The following FRAS1 variants were observed in gnomAD, a reference collection of about 807,000 sequenced individuals.
The protein encoded by FRAS1 is extracellular matrix organizing protein FRAS1.
FRAS1 carries 290 observed loss-of-function variants against 435.2 expected under a neutral mutation model. That is an observed-to-expected ratio of 0.67 (90% CI 0.61 to 0.73). The LOEUF (loss-of-function observed/expected upper bound fraction) is 0.73. FRAS1 is among the 30% of genes least tolerant of loss of function. The pLI is 0.00. For synonymous variants in FRAS1, 1,800 were observed against 1,851.0 expected (o/e 0.97, Z 0.71); for missense variants, 4,860 against 5,001.5 (o/e 0.97, Z 0.85).
intron 2 of FRAS1, among the ~76,000 whole-genome samples, chr4:78,109,519 T>C (rs1299617220): frequency 6.7e-6 from 1 of 149,052 alleles, no homozygotes; most frequent in East Asian, 2.0e-4. Context: ...TCTCAATAGA[T>C]GCAGAAAAAG....
chr4:78,335,799 G>A (rs1235469043), intron 19 of FRAS1, among the ~76,000 whole-genome samples: 1 of 151,962 alleles, frequency 6.6e-6, no homozygotes, highest in African/African-American at 2.4e-5. Flanking sequence ...TTATGTTTTA[G>A]TGACAGAGAT....
intron 17 of FRAS1, 100 bp from the exon 18 acceptor site, chr4:78,318,710 T>A (rs1427372325): frequency 9.1e-7 from 1 of 1,101,922 alleles, no homozygotes; most frequent in Admixed American, 2.7e-5. Context: ...GCTGAAAGGC[T>A]GCATTTGGTG....
chr4:78,114,922 A>G (rs955871774), intron 2 of FRAS1, among the ~76,000 whole-genome samples: 3 of 152,100 alleles, frequency 2.0e-5, no homozygotes, highest in African/African-American at 7.2e-5. Context: ...TTCAAAGGGA[A>G]TGCTTCCAGT....
At chr4:78,500,591 C>A (rs1045493484) in intron 61 of FRAS1, among the ~76,000 whole-genome samples, 1 of 152,182 alleles carries the variant, frequency 6.6e-6, no homozygotes, top group East Asian at 1.9e-4. Context: ...CCATTTGCGA[C>A]GTAGCCAGAG....
intron 61 of FRAS1, among the ~76,000 whole-genome samples, chr4:78,502,125 G>A (rs1720702402): frequency 6.6e-6 from 1 of 152,190 alleles, no homozygotes; most frequent in Non-Finnish European, 1.5e-5. Context: ...CTGTAGCCAT[G>A]TAGTATAGTT....
At chr4:78,116,250 C>G (rs904359769) in intron 2 of FRAS1, among the ~76,000 whole-genome samples, 4 of 152,210 alleles carry the variant, frequency 2.6e-5, no homozygotes, top group East Asian at 3.9e-4. Flanking sequence ...TTACTTCCAA[C>G]TATGTAGTCA....
intron 51 of FRAS1, among the ~76,000 whole-genome samples, chr4:78,471,683 A>G (rs1306238920): frequency 6.6e-6 from 1 of 152,216 alleles, no homozygotes; most frequent in East Asian, 1.9e-4. Flanking sequence ...AATGAATGAA[A>G]GTTCAGCCAG....
At chr4:78,442,286 C>T (rs1734690174) in intron 41 of FRAS1, among the ~76,000 whole-genome samples, 1 of 152,234 alleles carries the variant, frequency 6.6e-6, no homozygotes, top group South Asian at 2.1e-4. Flanking sequence ...GGATAAGACA[C>T]AGACTCATGT....
chr4:78,345,247 C>T (rs1361528750), intron 20 of FRAS1, among the ~76,000 whole-genome samples: 1 of 152,050 alleles, frequency 6.6e-6, no homozygotes, highest in Admixed American at 6.6e-5. Context: ...TTAATCATCC[C>T]CGGAAGCCCC....
At chr4:78,305,771 G>A (rs1728678666) in intron 14 of FRAS1, among the ~76,000 whole-genome samples, 1 of 151,784 alleles carries the variant, frequency 6.6e-6, no homozygotes, top group Non-Finnish European at 1.5e-5. Flanking sequence ...CACATGAGAT[G>A]GGTTTCCTGA....
chr4:78,263,159 C>G, intron 6 of FRAS1, among the ~76,000 whole-genome samples: 1 of 152,178 alleles, frequency 6.6e-6, no homozygotes, highest in East Asian at 1.9e-4. Context: ...CCTTTCCTAT[C>G]TCTGCTCCAC....
At chr4:78,114,624 C>G (rs1168230124) in intron 2 of FRAS1, among the ~76,000 whole-genome samples, 1 of 148,164 alleles carries the variant, frequency 6.7e-6, no homozygotes, top group African/African-American at 2.5e-5. Flanking sequence ...ATTTGGCTCT[C>G]TGTTTGTCTG....
chr4:78,434,544 T>G (rs1734340284), intron 38 of FRAS1, among the ~76,000 whole-genome samples: 1 of 152,198 alleles, frequency 6.6e-6, no homozygotes, highest in Non-Finnish European at 1.5e-5. Context: ...TATGATTCTG[T>G]GTATAATAAC....
In FRAS1 at chr4:78,342,418, G is replaced by A. The variant is rs147377341; in HGVS notation, c.2422+4601G>A. 6.7e-4 allele frequency among the ~76,000 whole-genome samples: 102 copies of A among 152,316 alleles called. 1 individual carries two copies. The Middle Eastern group carries it at 0.027, about 41-fold the overall frequency. ...CTATCAAAGCAAATATAAAGTATGT[G>A]AGATTTAGGCCAGAGCTGCAGGTTT... On this transcript the variant is annotated intron_variant, in intron 20 of 73. Transcript: ENST00000512123.
At chr4:78,503,591 G>T (rs1334644855) in intron 61 of FRAS1, among the ~76,000 whole-genome samples, 1 of 152,038 alleles carries the variant, frequency 6.6e-6, no homozygotes, top group African/African-American at 2.4e-5. Context: ...GCATCTATTT[G>T]ATTCTCCTCT....
chr4:78,279,224 G>A (rs1727205478), intron 10 of FRAS1, among the ~76,000 whole-genome samples: 1 of 152,216 alleles, frequency 6.6e-6, no homozygotes, highest in African/African-American at 2.4e-5. Context: ...TGAGACGCAA[G>A]TGTGTTTGGC....
At chr4:78,444,579 A>G (rs17003229) in intron 41 of FRAS1, among the ~76,000 whole-genome samples, 6,562 of 152,288 alleles carry the variant, frequency 0.043, 483 homozygotes, top group African/African-American at 0.15. Context: ...TATCCAGGCA[A>G]TGTTTGAAGA....
At chr4:78,432,273 A>T in intron 37 of FRAS1, 84 bp from the exon 38 acceptor site, 4 of 1,374,518 alleles carry the variant, frequency 2.9e-6, no homozygotes, top group Non-Finnish European at 2.9e-6. Flanking sequence ...TATGAACCTT[A>T]AAGTCCTGAA....
chr4:78,201,454 C>T (rs990153032), intron 2 of FRAS1, among the ~76,000 whole-genome samples: 1 of 152,160 alleles, frequency 6.6e-6, no homozygotes, highest in Admixed American at 6.5e-5. Context: ...TCTTGACTTG[C>T]TTTGGATAAG....
Sources: gnomAD v4.1 joint callset for allele counts (sites outside exome capture counted in the v4.1 genomes callset) on GRCh38, gnomAD v4.1.1 for gene constraint, MANE v1.5 for transcripts, NCBI Gene and HGNC (gene_info 2026-07-23, HGNC 2026-07-21) for gene names.